PTPRS: variants seen among roughly 807,000 people sequenced by gnomAD.
PTPRS encodes protein tyrosine phosphatase receptor type S.
A neutral mutation model predicts 215.3 loss-of-function variants in PTPRS; 63 were observed. The ratio of observed to expected loss-of-function variants is 0.29; its 90% CI spans 0.24 to 0.36. The LOEUF is 0.36. Ranked by LOEUF, PTPRS falls within the 10% of genes least tolerant of loss-of-function variation. The pLI, the probability that PTPRS is intolerant of heterozygous loss-of-function variation, is 1.00. For missense variants in PTPRS, 2,258 were observed against 2,825.8 expected (o/e 0.80, Z 4.56); for synonymous variants, 1,404 against 1,191.4 (o/e 1.18, Z -3.68).
rs536968333 is a variant in PTPRS at position 5,301,206 on chromosome 19, C to T, written c.-94-14972G>A. On this transcript the variant is annotated intron_variant, in intron 1 of 37. Coordinates refer to ENST00000262963, the MANE Select transcript of PTPRS (RefSeq NM_002850.4). Reference sequence around the variant, plus strand: ...TGCTGACTCAGCCAAAAGTGGAGGACGGGGGAGGGACAGAATGGCCGGTCC... The same window carrying T: ...TGCTGACTCAGCCAAAAGTGGAGGATGGGGGAGGGACAGAATGGCCGGTCC... 1.5e-3 allele frequency among the ~76,000 whole-genome samples: 223 copies of T among 152,104 alleles called. 1 individual carries two copies. Among genetic ancestry groups the T allele is most frequent in the African/African-American group, 4.5e-3 (187 of 41,506 alleles).
chr19:5,307,522 G>T (rs1181954432), intron 1 of PTPRS, among the ~76,000 whole-genome samples: 1 of 151,980 alleles, frequency 6.6e-6, no homozygotes, highest in Non-Finnish European at 1.5e-5. Flanking sequence ...AAGTGGGGGG[G>T]AAGAAAACAA....
intron 4 of PTPRS, among the ~76,000 whole-genome samples, chr19:5,266,284 A>C (rs1177401675): frequency 6.6e-6 from 1 of 151,876 alleles, no homozygotes; most frequent in Admixed American, 6.6e-5. Flanking sequence ...AAAAATAAAA[A>C]TAAAATAAAT....
intron 4 of PTPRS, among the ~76,000 whole-genome samples, chr19:5,270,126 A>G (rs575432906): frequency 3.3e-5 from 5 of 152,232 alleles, no homozygotes; most frequent in African/African-American, 1.2e-4. Context: ...TGCTAGGAAG[A>G]GCAGGGCGGG....
intron 2 of PTPRS, among the ~76,000 whole-genome samples, chr19:5,279,975 G>A (rs978330515): frequency 3.6e-4 from 55 of 152,168 alleles, no homozygotes; most frequent in Admixed American, 3.5e-3. Context: ...GAGCCACCAC[G>A]CCCAGCCTGA....
At chr19:5,239,615 A>G (rs1473073220) in intron 12 of PTPRS, among the ~76,000 whole-genome samples, 2 of 151,656 alleles carry the variant, frequency 1.3e-5, no homozygotes, top group Admixed American at 6.6e-5. Flanking sequence ...GAAACAGGGG[A>G]GAGAGACAGA....
intron 1 of PTPRS, among the ~76,000 whole-genome samples, chr19:5,322,981 GGCAAAATGTAT>G (rs1178227424): frequency 6.6e-6 from 1 of 152,018 alleles, no homozygotes; most frequent in African/African-American, 2.4e-5. Context: ...GAGCTGCTTA[GGCAAAATGTAT>G]GCCTGGAGCC....
chr19:5,267,420 G>A (rs1292344910), intron 4 of PTPRS, among the ~76,000 whole-genome samples: 2 of 152,162 alleles, frequency 1.3e-5, no homozygotes, highest in African/African-American at 4.8e-5. Context: ...ACTTTGGGAG[G>A]ACGAAGCAGG....
intron 1 of PTPRS, among the ~76,000 whole-genome samples, chr19:5,292,576 C>G (rs566908260): frequency 6.6e-6 from 1 of 152,290 alleles, no homozygotes; most frequent in African/African-American, 2.4e-5. Context: ...TGAGGCCAAG[C>G]CCCCCAGTTT....
chr19:5,214,367 C>T lies in PTPRS; in HGVS notation c.4608G>A (p.Leu1536=), dbSNP rs767342366. The change falls in exon 30 of 38, where the codon CTG becomes CTA. Residue 1536 remains leucine (L), a synonymous_variant. Coordinates refer to ENST00000262963, the MANE Select transcript of PTPRS (RefSeq NM_002850.4). ...LATFCVRTFS[L]HKNGSSEKRE... Reference sequence around the variant, plus strand: ...GCCCCAGCCTGGGCCCCACCTTGTGCAGAGAGAATGTCCTGACGCAGAATG... The same window carrying T: ...GCCCCAGCCTGGGCCCCACCTTGTGTAGAGAGAATGTCCTGACGCAGAATG... 5.6e-6 allele frequency: 9 copies of T among 1,614,000 alleles called. No individual in the cohort carries two copies. Among genetic ancestry groups the T allele is most frequent in the Non-Finnish European group, 6.8e-6 (8 of 1,180,036 alleles).
chr19:5,340,785 CCGGGCGGG>C lies in PTPRS; in HGVS notation c.-224_-217del, dbSNP rs1471836283. The C allele has an allele frequency of 6.7e-6, 1 of 149,296 alleles. No individual in the cohort carries two copies. The highest frequency in any genetic ancestry group is 1.5e-5 in the Non-Finnish European group (1 of 67,090). The allele number at this position is 149,296 out of a possible 1,614,324, so 9.2% of individuals were successfully genotyped here. On this transcript the variant is annotated 5_prime_UTR_variant, in exon 1 of 38. Coordinates refer to ENST00000262963, the MANE Select transcript of PTPRS (RefSeq NM_002850.4). ...CGGCGTGCGCGCGCCGGCCGGGCTG[CCGGGCGGG>C]CGGCGCGAGGACACTCACTGCGGCT... is the stretch of plus-strand genomic sequence containing the variant.
Position 5,237,174 on chromosome 19 carries a change from G to A in PTPRS, c.1849+1745C>T, listed in dbSNP as rs1022567501. Among the ~76,000 whole-genome samples the A allele has an allele frequency of 1.3e-5, 2 of 152,168 alleles. No individual in the cohort carries two copies. Among genetic ancestry groups the A allele is most frequent in the Non-Finnish European group, 2.9e-5 (2 of 68,030 alleles). On this transcript the variant is annotated intron_variant, in intron 13 of 37. Coordinates refer to ENST00000262963, the MANE Select transcript of PTPRS (RefSeq NM_002850.4). This position sits in a 1 kb window ranked among gnomAD's most constrained non-coding sequence, Gnocchi z 4.2. The stretch of plus-strand genomic sequence containing the variant: ...CCGCAGCCCTGCTCCAGCCCCCAGC[G>A]TGCGCACGCTGAGGTTCCAGGCTGG...
intron 1 of PTPRS, among the ~76,000 whole-genome samples, chr19:5,312,682 T>TA (rs2049744740): frequency 6.6e-6 from 1 of 151,942 alleles, no homozygotes; most frequent in African/African-American, 2.4e-5. Flanking sequence ...AAAATAAAAA[T>TA]AAAATAATAG....
chr19:5,337,311 C>A (rs2050537056), intron 1 of PTPRS, among the ~76,000 whole-genome samples: 1 of 152,262 alleles, frequency 6.6e-6, no homozygotes, highest in South Asian at 2.1e-4. Flanking sequence ...CCCCCACGCA[C>A]ACGGCGGCTG....
At chr19:5,335,261 G>A (rs2050457805) in intron 1 of PTPRS, among the ~76,000 whole-genome samples, 1 of 152,234 alleles carries the variant, frequency 6.6e-6, no homozygotes, top group African/African-American at 2.4e-5. Flanking sequence ...TTGAGAGCCA[G>A]GGGAGGCATG....
rs1193015220 is a variant in PTPRS at position 5,237,245 on chromosome 19, G to A, written c.1849+1674C>T. Among the ~76,000 whole-genome samples, 1 of 152,100 alleles carries A rather than the reference G, an allele frequency of 6.6e-6. No homozygotes were observed. Among genetic ancestry groups the A allele is most frequent in the African/African-American group, 2.4e-5 (1 of 41,434 alleles). On this transcript the variant is annotated intron_variant, in intron 13 of 37. Coordinates refer to ENST00000262963, the MANE Select transcript of PTPRS (RefSeq NM_002850.4). The surrounding 1 kb of genome is among the most constrained non-coding windows in gnomAD (Gnocchi z 4.2). ...GTCTGGGGAGACCCACGGCTGAGTG[G>A]TCTGACCTGCACCTACCCTGTGTTC...
chr19:5,259,512 T>G (rs1406297092), intron 7 of PTPRS, among the ~76,000 whole-genome samples: 1 of 152,118 alleles, frequency 6.6e-6, no homozygotes, highest in Non-Finnish European at 1.5e-5. Context: ...AAAACTTGAG[T>G]GCCCACAAAT....
In PTPRS at chr19:5,274,265, C is replaced by T. The variant is rs748525247; in HGVS notation, c.171G>A (p.Thr57=). Residue 57 remains threonine (T), a synonymous_variant, in exon 3 of 38, where the codon ACG becomes ACA. Transcript: ENST00000262963. ...GGVASFVCQA[T]GDPKPRVTWN... ...AGGTCACTCGTGGCTTGGGGTCACC[C>T]GTGGCCTGACACACGAAAGAGGCCA... 49 of 1,613,858 alleles carry T rather than the reference C, an allele frequency of 3.0e-5. No homozygotes were observed. In the East Asian group the frequency reaches 3.1e-4, roughly 10 times the overall value.
At chr19:5,266,347 G>A (rs1413920965) in intron 4 of PTPRS, among the ~76,000 whole-genome samples, 1 of 152,052 alleles carries the variant, frequency 6.6e-6, no homozygotes, top group African/African-American at 2.4e-5. Context: ...TCGACCTCCT[G>A]GGCTCAAGGA....
At chr19:5,315,351 GT>G (rs952833168) in intron 1 of PTPRS, among the ~76,000 whole-genome samples, 38 of 79,796 alleles carry the variant, frequency 4.8e-4, no homozygotes, top group East Asian at 2.0e-3. Flanking sequence ...TTTGAAAAGG[GT>G]TTTTTTTTTT....
Sources: gnomAD v4.1 joint callset for allele counts (sites outside exome capture counted in the v4.1 genomes callset) on GRCh38, gnomAD v4.1.1 for gene constraint, Gnocchi (gnomAD v3.1) non-coding constraint, MANE v1.5 for transcripts, NCBI Gene and HGNC (gene_info 2026-07-23, HGNC 2026-07-21) for gene names.